Variants in ZIC2 observed in about 807,000 individuals in gnomAD.
The protein encoded by ZIC2 is Zic family zinc finger 2.
In ZIC2, 7 loss-of-function variants were observed where a neutral mutation model predicts 29.5. That is an observed-to-expected ratio of 0.24 (90% CI 0.14 to 0.45). The LOEUF is 0.45. Ranked by LOEUF, ZIC2 falls within the 20% of genes least tolerant of loss-of-function variation. The pLI is 1.00. For missense variants in ZIC2, 589 were observed against 781.2 expected (o/e 0.75, Z 2.93); for synonymous variants, 408 against 354.2 (o/e 1.15, Z -1.70).
rs2053264653 is a variant in ZIC2 at position 99,985,716 on chromosome 13, A to C, written c.*34A>C. 1 of 1,263,532 alleles carries C rather than the reference A, an allele frequency of 7.9e-7. No individual in the cohort carries two copies. The highest frequency in any genetic ancestry group is 1.0e-6 in the Non-Finnish European group (1 of 969,926). 78.3% of individuals were successfully genotyped at this position (1,263,532 alleles called of 1,614,324 possible). On this transcript the variant is annotated 3_prime_UTR_variant, in exon 3 of 3. Coordinates refer to ENST00000376335, the MANE Select transcript of ZIC2 (RefSeq NM_007129.5). The surrounding 1 kb of genome is among the most constrained non-coding windows in gnomAD (Gnocchi z 6.3). ...GGCCTCTCTCCCTCTCCCTGTCCCC[A>C]CCCCAGCGCAGCAGCCCTCCCCGCA...
Position 99,985,442 on chromosome 13 carries a change from G to A in ZIC2, c.1359G>A (p.Leu453=). ...PSAEPQSSSN[L]SPAAAAAAAA... Reference sequence around the variant, plus strand: ...CCGAGCCCCAGAGCAGCTCCAACCTGTCCCCAGCGGCGGCGGCAGCGGCGG... The same window carrying A: ...CCGAGCCCCAGAGCAGCTCCAACCTATCCCCAGCGGCGGCGGCAGCGGCGG... Residue 453 remains leucine (L), a synonymous_variant, in exon 3 of 3, where the codon CTG becomes CTA. Transcript: ENST00000376335. The surrounding 1 kb of genome is among the most constrained non-coding windows in gnomAD (Gnocchi z 6.3). 7.0e-7 allele frequency: 1 copy of A among 1,427,054 alleles called. No individual in the cohort carries two copies. 88.4% of individuals were successfully genotyped at this position (1,427,054 alleles called of 1,614,324 possible). A position where few individuals can be genotyped will look rare whatever the true frequency, so the allele number is the denominator to read the frequency against.
Position 99,985,758 on chromosome 13 carries a change from C to A in ZIC2, c.*76C>A. On this transcript the variant is annotated 3_prime_UTR_variant, in exon 3 of 3. Transcript: ENST00000376335. This position sits in a 1 kb window ranked among gnomAD's most constrained non-coding sequence, Gnocchi z 6.3. ...CTCCCCGCAGCTAGCAGCGAGGGCA[C>A]CTTGTGATCATGTTGTTAAAATTAT... 1 of 820,312 alleles carries A rather than the reference C, an allele frequency of 1.2e-6. No individual in the cohort carries two copies. Among genetic ancestry groups the A allele is most frequent in the Non-Finnish European group, 1.7e-6 (1 of 602,984 alleles). 50.8% of individuals were successfully genotyped at this position (820,312 alleles called of 1,614,324 possible). A position where few individuals can be genotyped will look rare whatever the true frequency, so the allele number is the denominator to read the frequency against.
chr13:99,982,568 G>T lies in ZIC2; in HGVS notation c.504G>T (p.Pro168=). The T allele has an allele frequency of 1.9e-6, 3 of 1,559,354 alleles. No homozygotes were observed. Among genetic ancestry groups the T allele is most frequent in the Non-Finnish European group, 2.6e-6 (3 of 1,157,972 alleles). ...LFPGLPEQHG[P]HGSQNVLNGQ... ...CGGGCCTGCCAGAGCAGCACGGGCCGCACGGCTCGCAGAATGTGCTCAACG... is the reference window on the plus strand; with the variant it reads ...CGGGCCTGCCAGAGCAGCACGGGCCTCACGGCTCGCAGAATGTGCTCAACG... Residue 168 remains proline (P), a synonymous_variant, in exon 1 of 3, where the codon CCG becomes CCT. Transcript: ENST00000376335.
chr13:99,984,734 G>T, intron 1 of ZIC2: 1 of 588,350 alleles, frequency 1.7e-6, no homozygotes, highest in Non-Finnish European at 3.0e-6. Flanking sequence ...CAGCCTGGAA[G>T]AAAGTAAAAT....
chr13:99,986,273 A>G lies in ZIC2; in HGVS notation c.*591A>G, dbSNP rs996607693. ...ATATTGTGTTCCTTTTTATGAGGCA[A>G]CCTGATTGTAAACTTCATGTAACTA... On this transcript the variant is annotated 3_prime_UTR_variant, in exon 3 of 3. Coordinates refer to ENST00000376335, the MANE Select transcript of ZIC2 (RefSeq NM_007129.5). The G allele has an allele frequency of 6.7e-6, 2 of 298,688 alleles. No individual in the cohort carries two copies. The highest frequency in any genetic ancestry group is 4.4e-5 in the African/African-American group (2 of 45,534). 18.5% of individuals were successfully genotyped at this position (298,688 alleles called of 1,614,324 possible). A position where few individuals can be genotyped will look rare whatever the true frequency, so the allele number is the denominator to read the frequency against.
Position 99,982,224 on chromosome 13 carries a change from G to T in ZIC2, c.160G>T (p.Ala54Ser). ...GCAGAACGGCTTCGTTGACTCCGCC[G>T]CCGCGCACATGGGAGCCTTCAAGCT... is the stretch of plus-strand genomic sequence containing the variant. ...AAQNGFVDSA[A>S]AHMGAFKLNP... The change falls in exon 1 of 3, where the codon GCC becomes TCC. Residue 54 changes from alanine to serine, a missense_variant. Around this residue, in one of 7 missense-constraint regions of ZIC2, gnomAD observed 358 missense variants for 382.0 expected, o/e 0.94. Coordinates refer to ENST00000376335, the MANE Select transcript of ZIC2 (RefSeq NM_007129.5). 6.6e-7 allele frequency: 1 copy of T among 1,510,484 alleles called. No individual in the cohort carries two copies. Among genetic ancestry groups the T allele is most frequent in the South Asian group, 1.2e-5 (1 of 81,030 alleles). The allele number at this position is 1,510,484 out of a possible 1,614,324, so 93.6% of individuals were successfully genotyped here.
chr13:99,985,413 A>C lies in ZIC2; in HGVS notation c.1330A>C (p.Ser444Arg). 1 of 1,595,160 alleles carries C rather than the reference A, an allele frequency of 6.3e-7. No individual in the cohort carries two copies. Among genetic ancestry groups the C allele is most frequent in the Non-Finnish European group, 8.5e-7 (1 of 1,177,990 alleles). The change falls in exon 3 of 3, where the codon AGC becomes CGC. Residue 444 changes from serine (S) to arginine (R), a missense_variant. Ser to Arg is a moderately radical substitution (Grantham distance 110, BLOSUM62 -1). Transcript: ENST00000376335. This position sits in a 1 kb window ranked among gnomAD's most constrained non-coding sequence, Gnocchi z 6.3. ...CACGCCCCCGGGGCTGGTGTCCCCC[A>C]GCGCCGAGCCCCAGAGCAGCTCCAA... is the stretch of plus-strand genomic sequence containing the variant. ...SSTPPGLVSP[S>R]AEPQSSSNLS...
intron 1 of ZIC2, 55 bp from the exon 2 acceptor site, chr13:99,984,891 G>T: frequency 6.2e-7 from 1 of 1,612,866 alleles, no homozygotes. Flanking sequence ...AGCCTGAGTG[G>T]GGGCTCTGCA....
At position 99,982,418 on chromosome 13, in the gene ZIC2, C is replaced by A; in HGVS notation, c.354C>A (p.Asp118Glu). 6.8e-7 allele frequency: 1 copy of A among 1,466,652 alleles called. No individual in the cohort carries two copies. The highest frequency in any genetic ancestry group is 9.0e-7 in the Non-Finnish European group (1 of 1,112,698). 90.9% of individuals were successfully genotyped at this position (1,466,652 alleles called of 1,614,324 possible). A position where few individuals can be genotyped will look rare whatever the true frequency, so the allele number is the denominator to read the frequency against. Residue 118 changes from aspartate (D) to glutamate (E), a missense_variant, in exon 1 of 3, where the codon GAC (aspartate) becomes GAA (glutamate). Around this residue, in one of 7 missense-constraint regions of ZIC2, gnomAD observed 358 missense variants for 382.0 expected, o/e 0.94. Transcript: ENST00000376335. ...YSGPPFNSTRDFLFRSRGFGD... is the reference protein window; with the variant it reads ...YSGPPFNSTREFLFRSRGFGD... ...GGCCGCCCTTCAACTCCACCCGGGA[C>A]TTCCTGTTCCGCAGCCGCGGCTTCG...
At position 99,982,171 on chromosome 13, in the gene ZIC2, A is replaced by G; in HGVS notation, c.107A>G (p.Gln36Arg). The G allele has an allele frequency of 7.0e-7, 1 of 1,438,076 alleles. No homozygotes were observed. The highest frequency in any genetic ancestry group is 9.1e-7 in the Non-Finnish European group (1 of 1,102,202). 89.1% of individuals were successfully genotyped at this position (1,438,076 alleles called of 1,614,324 possible). The part of the protein sequence containing the change: ...AAAAAAAAEM[Q>R]DRELSLAAAQ... ...GCGGCGGCGGCTGCCGCCGAGATGC[A>G]GGACCGTGAACTGAGCCTGGCGGCG... The change falls in exon 1 of 3, where the codon CAG becomes CGG. Residue 36 changes from glutamine to arginine, a missense_variant. Physicochemically the swap from Gln to Arg is conservative, Grantham distance 43 (BLOSUM62 1). This residue lies in a region of ZIC2 where 358 missense variants were observed against 382.0 expected (regional missense o/e 0.94). Transcript: ENST00000376335.
At position 99,983,352 on chromosome 13, in the gene ZIC2, G is replaced by C. The variant is rs1334586; in HGVS notation, c.1075+213G>C. Among the ~76,000 whole-genome samples the C allele has an allele frequency of 6.6e-6, 1 of 152,128 alleles. No individual in the cohort carries two copies. Among genetic ancestry groups the C allele is most frequent in the Non-Finnish European group, 1.5e-5 (1 of 68,026 alleles). On this transcript the variant is annotated intron_variant, in intron 1 of 2. Transcript: ENST00000376335. This position sits in a 1 kb window ranked among gnomAD's most constrained non-coding sequence, Gnocchi z 4.7. ...TTTCCATGTGCGGAAATCGAGTTTT[G>C]AATGATTAGCCTCACATCAAATGTA...
At position 99,983,965 on chromosome 13, in the gene ZIC2, T is replaced by G. The variant is rs1215301107; in HGVS notation, c.1075+826T>G. Among the ~76,000 whole-genome samples the G allele has an allele frequency of 6.6e-6, 1 of 152,072 alleles. No homozygotes were observed. The highest frequency in any genetic ancestry group is 1.5e-5 in the Non-Finnish European group (1 of 68,000). On this transcript the variant is annotated intron_variant, in intron 1 of 2. Transcript: ENST00000376335. This position sits in a 1 kb window ranked among gnomAD's most constrained non-coding sequence, Gnocchi z 4.7. ...AAGAAAGCCAAATGTTTTAGCAACT[T>G]CCCCCGTCAATATTTACTCCGAAGT...
rs901409703 is a variant in ZIC2 at position 99,982,150 on chromosome 13, C to G, written c.86C>G (p.Ala29Gly). Residue 29 changes from alanine to glycine, a missense_variant, in exon 1 of 3, where the codon GCG becomes GGG. By Grantham distance (60) the Ala-to-Gly change is moderately conservative (BLOSUM62 0). Transcript: ENST00000376335. The part of the protein sequence containing the change: ...RHHHHSAAAA[A>G]AAAAEMQDRE... ...CATCACCACTCCGCCGCGGCGGCGG[C>G]GGCGGCTGCCGCCGAGATGCAGGAC... 1 of 1,341,834 alleles carries G rather than the reference C, an allele frequency of 7.5e-7. No homozygotes were observed. Among genetic ancestry groups the G allele is most frequent in the Non-Finnish European group, 9.5e-7 (1 of 1,051,936 alleles). 83.1% of individuals were successfully genotyped at this position (1,341,834 alleles called of 1,614,324 possible).
In ZIC2 at chr13:99,982,356, C is replaced by A; in HGVS notation, c.292C>A (p.Leu98Ile). ...TGCGGCTGCCGCTGCGGCCGCAGCG[C>A]TCGGGCCCCACGCCGCGCACGTTGG... ...SAAAAAAAAA[L>I]GPHAAHVGSY... The change falls in exon 1 of 3, where the codon CTC (leucine) becomes ATC (isoleucine). Residue 98 changes from leucine (L) to isoleucine (I), a missense_variant. By Grantham distance (5) the Leu-to-Ile change is conservative (BLOSUM62 2). Transcript: ENST00000376335. The A allele has an allele frequency of 1.4e-6, 2 of 1,472,384 alleles. No homozygotes were observed. The highest frequency in any genetic ancestry group is 2.6e-5 in the South Asian group (2 of 75,740). 91.2% of individuals were successfully genotyped at this position (1,472,384 alleles called of 1,614,324 possible). A position where few individuals can be genotyped will look rare whatever the true frequency, so the allele number is the denominator to read the frequency against.
Position 99,983,709 on chromosome 13 carries a change from A to G in ZIC2, c.1075+570A>G, listed in dbSNP as rs569967480. ...TCTCGGGGTGGGTCGCGGGGGCTTTACTGTGGTTTCGCAGCAGTTTGTGAA... is the reference window on the plus strand; with the variant it reads ...TCTCGGGGTGGGTCGCGGGGGCTTTGCTGTGGTTTCGCAGCAGTTTGTGAA... On this transcript the variant is annotated intron_variant, in intron 1 of 2. Transcript: ENST00000376335. This position sits in a 1 kb window ranked among gnomAD's most constrained non-coding sequence, Gnocchi z 4.7. 3.9e-5 allele frequency among the ~76,000 whole-genome samples: 6 copies of G among 152,276 alleles called. No individual in the cohort carries two copies. The highest frequency in any genetic ancestry group is 1.3e-4 in the Admixed American group (2 of 15,298).
Position 99,985,280 on chromosome 13 carries a change from A to G in ZIC2, c.1240-43A>G. 6.3e-7 allele frequency: 1 copy of G among 1,599,980 alleles called. No homozygotes were observed. Among genetic ancestry groups the G allele is most frequent in the Non-Finnish European group, 8.5e-7 (1 of 1,179,032 alleles). On this transcript the variant is annotated intron_variant, in intron 2 of 2. Transcript: ENST00000376335. This position sits in a 1 kb window ranked among gnomAD's most constrained non-coding sequence, Gnocchi z 6.3. ...CCGGCCCCACAGCAGCTGCACTCACACCCAGTCCCCTCTGGTCCCCCCTCC... is the reference window on the plus strand; with the variant it reads ...CCGGCCCCACAGCAGCTGCACTCACGCCCAGTCCCCTCTGGTCCCCCCTCC...
rs1453439000 is a variant in ZIC2, at chr13:99,985,489, C to T, written c.1406C>T (p.Ala469Val). Residue 469 changes from alanine to valine, a missense_variant, in exon 3 of 3, where the codon GCC becomes GTC. This residue lies in a region of ZIC2 where 135 missense variants were observed against 136.7 expected (regional missense o/e 0.99). Transcript: ENST00000376335. This position sits in a 1 kb window ranked among gnomAD's most constrained non-coding sequence, Gnocchi z 6.3. The part of the protein sequence containing the change: ...AAAAAAAAAA[A>V]AVSAVHRGGG... ...GCGGCGGCGGCTGCGGCGGCGGCGG[C>T]CGCGGTGTCCGCGGTGCACCGGGGC... 2.5e-6 allele frequency: 3 copies of T among 1,215,804 alleles called. No homozygotes were observed. Among genetic ancestry groups the T allele is most frequent in the African/African-American group, 3.2e-5 (2 of 61,552 alleles). The allele number at this position is 1,215,804 out of a possible 1,614,324, so 75.3% of individuals were successfully genotyped here.
rs768752128 is a variant in ZIC2 at position 99,984,937 on chromosome 13, C to G, written c.1076-9C>G. The G allele has an allele frequency of 6.2e-7, 1 of 1,613,978 alleles. No homozygotes were observed. The highest frequency in any genetic ancestry group is 2.2e-5 in the East Asian group (1 of 44,866). On this transcript the variant is annotated splice_polypyrimidine_tract_variant and intron_variant, in intron 1 of 2. Coordinates refer to ENST00000376335, the MANE Select transcript of ZIC2 (RefSeq NM_007129.5). ...GTCTGCAGCCAGCGCCGATGTTTGC[C>G]GTCCACAGGGGAGAAGCCGTTCCAG... is the stretch of plus-strand genomic sequence containing the variant.
In ZIC2 at chr13:99,982,545, G is replaced by A. The variant is rs1438715920; in HGVS notation, c.481G>A (p.Gly161Ser). The A allele has an allele frequency of 6.5e-7, 1 of 1,544,922 alleles. No homozygotes were observed. The highest frequency in any genetic ancestry group is 2.4e-5 in the East Asian group (1 of 41,186). The change falls in exon 1 of 3, where the codon GGC (glycine) becomes AGC (serine). Residue 161 changes from glycine (G) to serine (S), a missense_variant. Around this residue, in one of 7 missense-constraint regions of ZIC2, gnomAD observed 358 missense variants for 382.0 expected, o/e 0.94. Transcript: ENST00000376335. ...CGCGCAGGGCCACCTCCTCTTCCCG[G>A]GCCTGCCAGAGCAGCACGGGCCGCA... Reference protein sequence around the residue: ...SDAQGHLLFPGLPEQHGPHGS... With the variant: ...SDAQGHLLFPSLPEQHGPHGS...
Sources: allele counts gnomAD v4.1 joint callset (sites outside exome capture counted in the v4.1 genomes callset), GRCh38; gene constraint gnomAD v4.1.1; regional missense constraint gnomAD v4.1.1; non-coding constraint Gnocchi (gnomAD v3.1); transcripts MANE v1.5; gene names NCBI Gene and HGNC (gene_info 2026-07-23, HGNC 2026-07-21).